The following ASIC2 variants were observed in gnomAD, a reference collection of about 807,000 sequenced individuals.
ASIC2 encodes the protein acid sensing ion channel subunit 2.
Under a neutral mutation model 57.3 loss-of-function variants are expected in ASIC2, and 25 were observed. That is an observed-to-expected ratio of 0.44 (90% CI 0.32 to 0.61). The LOEUF (loss-of-function observed/expected upper bound fraction) is 0.61, where lower values mean the gene tolerates loss of function less well. Ranked by LOEUF, ASIC2 falls within the 20% of genes least tolerant of loss-of-function variation. ASIC2 has a pLI of 0.06. For missense variants in ASIC2, 641 were observed against 738.1 expected (o/e 0.87, Z 1.52); for synonymous variants, 319 against 307.5 (o/e 1.04, Z -0.39).
At chr17:34,077,312 C>A (rs774282769) in intron 1 of ASIC2, among the ~76,000 whole-genome samples, 1 of 152,200 alleles carries the variant, frequency 6.6e-6, no homozygotes, top group Non-Finnish European at 1.5e-5. Context: ...TGGCCCTGGG[C>A]TCCTCTCCTG....
At chr17:33,863,974 G>A (rs1914166605) in intron 1 of ASIC2, among the ~76,000 whole-genome samples, 1 of 151,396 alleles carries the variant, frequency 6.6e-6, no homozygotes, top group African/African-American at 2.4e-5. Context: ...TGTGGTCTTG[G>A]CTCACTGCAA....
intron 1 of ASIC2, among the ~76,000 whole-genome samples, chr17:33,651,790 G>A (rs1354408842): frequency 1.3e-5 from 2 of 152,202 alleles, no homozygotes; most frequent in African/African-American, 2.4e-5. Flanking sequence ...ACTCAATTCA[G>A]TTTCAACTTG....
chr17:33,019,839 T>TGA (rs150027308), intron 7 of ASIC2, among the ~76,000 whole-genome samples: 15 of 149,122 alleles, frequency 1.0e-4, no homozygotes, highest in Middle Eastern at 3.5e-3. Context: ...GGGATCTGTG[T>TGA]GAGAGAGAGA....
intron 1 of ASIC2, chr17:34,069,316 T>TTCTC (rs779121091): frequency 1.9e-5 from 2 of 104,852 alleles, no homozygotes; most frequent in Non-Finnish European, 4.9e-5. Context: ...CTTCCTTTCT[T>TTCTC]CCTTTCCTCT....
intron 1 of ASIC2, among the ~76,000 whole-genome samples, chr17:33,501,449 C>T (rs1914098015): frequency 6.6e-6 from 1 of 152,206 alleles, no homozygotes; most frequent in Non-Finnish European, 1.5e-5. Flanking sequence ...TTTGTTTTTA[C>T]TCCTGTAAAC....
chr17:33,295,458 G>C (rs560960547), upstream of ASIC2, among the ~76,000 whole-genome samples: 1 of 152,298 alleles, frequency 6.6e-6, no homozygotes, highest in Non-Finnish European at 1.5e-5. Context: ...GTGAAATTCT[G>C]TTCTTTCTTC....
At chr17:33,350,868 C>T (rs948384252) in intron 1 of ASIC2, among the ~76,000 whole-genome samples, 3 of 152,090 alleles carry the variant, frequency 2.0e-5, no homozygotes, top group African/African-American at 4.8e-5. Flanking sequence ...ATCATAGTAT[C>T]AGTTTAAAAA....
Position 33,390,287 on chromosome 17 carries a change from T to A in ASIC2, c.556-278220A>T, listed in dbSNP as rs558513553. Among the ~76,000 whole-genome samples the A allele has an allele frequency of 2.0e-5, 3 of 152,138 alleles. No homozygotes were observed. The South Asian group carries it at 6.2e-4, about 32-fold the overall frequency. On this transcript the variant is annotated intron_variant, in intron 1 of 9. Coordinates refer to the ASIC2 transcript ENST00000359872. ...GAGATCACGCCACTGCACTTCAGCA[T>A]GGGCCACAGAGCGAGATTCGGTCCC...
intron 1 of ASIC2, among the ~76,000 whole-genome samples, chr17:33,224,672 A>T (rs889578906): frequency 1.3e-5 from 2 of 152,168 alleles, no homozygotes; most frequent in African/African-American, 4.8e-5. Context: ...AGGCAAGGAG[A>T]AAATGGACGC....
chr17:33,089,104 T>C, intron 2 of ASIC2, 114 bp from the exon 3 acceptor site: 22 of 1,427,944 alleles, frequency 1.5e-5, no homozygotes, highest in Non-Finnish European at 2.0e-5. Context: ...AGCAGAATAA[T>C]GGCCCCCAAA....
intron 3 of ASIC2, among the ~76,000 whole-genome samples, chr17:33,037,130 C>CAAAAAAAAA (rs35845015): frequency 1.6e-5 from 2 of 125,588 alleles, no homozygotes; most frequent in African/African-American, 3.0e-5. Context: ...GGTGTGGTAG[C>CAAAAAAAAA]AAAAAAAAAA....
intron 1 of ASIC2, chr17:34,005,427 G>A (rs1396720733): frequency 6.6e-6 from 1 of 150,506 alleles, no homozygotes; most frequent in African/African-American, 2.5e-5. Flanking sequence ...ACTTAAATAT[G>A]ATTATTCCTC....
chr17:33,192,495 C>T (rs537008984), intron 1 of ASIC2, among the ~76,000 whole-genome samples: 2 of 152,270 alleles, frequency 1.3e-5, no homozygotes, highest in Admixed American at 1.3e-4. Context: ...CTGTTATCTG[C>T]TATTAATGGT....
At chr17:34,072,131 C>G (rs548148588) in intron 1 of ASIC2, 1 of 152,488 alleles carries the variant, frequency 6.6e-6, no homozygotes. Flanking sequence ...GGGCAGGCAT[C>G]GGGGCGAGAA....
chr17:33,295,484 C>G (rs771009120), upstream of ASIC2, among the ~76,000 whole-genome samples: 1 of 152,228 alleles, frequency 6.6e-6, no homozygotes, highest in South Asian at 2.1e-4. Context: ...ACAGCTTATG[C>G]ATTGCCTCCT....
chr17:33,403,821 G>T (rs977130094), intron 1 of ASIC2, among the ~76,000 whole-genome samples: 2 of 152,194 alleles, frequency 1.3e-5, no homozygotes, highest in African/African-American at 4.8e-5. Context: ...CAGTTTACAG[G>T]TGAAGAAGCC....
At chr17:33,725,411 G>T (rs1055230095) in intron 1 of ASIC2, among the ~76,000 whole-genome samples, 5 of 152,094 alleles carry the variant, frequency 3.3e-5, no homozygotes, top group Admixed American at 3.3e-4. Context: ...CACTCACGGG[G>T]AGGCAGGCAG....
intron 2 of ASIC2, among the ~76,000 whole-genome samples, chr17:33,097,043 C>T (rs143204291): frequency 1.3e-5 from 2 of 152,362 alleles, no homozygotes; most frequent in Non-Finnish European, 2.9e-5. Context: ...CTGGCCCTAG[C>T]CACACAAAGC....
intron 1 of ASIC2, among the ~76,000 whole-genome samples, chr17:33,171,956 C>T (rs1905537381): frequency 2.0e-5 from 3 of 152,324 alleles, no homozygotes; most frequent in Admixed American, 2.0e-4. Flanking sequence ...TGGCCAATTT[C>T]TCTCCTCACA....
Sources: gnomAD v4.1 joint callset for allele counts (sites outside exome capture counted in the v4.1 genomes callset) on GRCh38, gnomAD v4.1.1 for gene constraint, MANE v1.5 for transcripts, NCBI Gene and HGNC (gene_info 2026-07-23, HGNC 2026-07-21) for gene names.